The following PLEKHA6 variants were observed in gnomAD, a reference collection of about 807,000 sequenced individuals.
The protein encoded by PLEKHA6 is pleckstrin homology domain-containing family A member 6.
In PLEKHA6, 60 loss-of-function variants were observed where a neutral mutation model predicts 116.7. That is an observed-to-expected ratio of 0.51 (90% CI 0.42 to 0.64). The LOEUF (loss-of-function observed/expected upper bound fraction) is 0.64, where lower values mean the gene tolerates loss of function less well. Ranked by LOEUF, PLEKHA6 falls within the 30% of genes least tolerant of loss-of-function variation. The pLI, the probability that PLEKHA6 is intolerant of heterozygous loss-of-function variation, is 0.00. For missense variants in PLEKHA6, 1,338 were observed against 1,422.7 expected (o/e 0.94, Z 0.96); for synonymous variants, 489 against 556.1 (o/e 0.88, Z 1.70).
chr1:204,339,170 C>T (rs139832804), intron 1 of PLEKHA6, among the ~76,000 whole-genome samples: 3 of 152,342 alleles, frequency 2.0e-5, no homozygotes, highest in Non-Finnish European at 4.4e-5. Flanking sequence ...TGACAGGCCC[C>T]GCTGAGCTCC....
At chr1:204,315,426 C>A (rs1002125703) in intron 1 of PLEKHA6, among the ~76,000 whole-genome samples, 5 of 152,176 alleles carry the variant, frequency 3.3e-5, no homozygotes, top group African/African-American at 1.2e-4. Flanking sequence ...AACATTTCCC[C>A]GAAAGGCCTT....
At chr1:204,283,042 T>C (rs948322267) in intron 1 of PLEKHA6, among the ~76,000 whole-genome samples, 10 of 152,148 alleles carry the variant, frequency 6.6e-5, no homozygotes, top group Non-Finnish European at 1.3e-4. Context: ...CAGCTCTGAG[T>C]TGAATCTCAA....
chr1:204,250,463 AGATG>A (rs1266275097), intron 10 of PLEKHA6, 79 bp downstream of exon 10: 1 of 908,732 alleles, frequency 1.1e-6, no homozygotes, highest in Admixed American at 1.9e-5. Flanking sequence ...AGAGGAAGAG[AGATG>A]GATGGAGAGA....
Position 204,266,553 on chromosome 1 carries a change from C to T in PLEKHA6, c.280+922G>A, listed in dbSNP as rs1314735885. Among the ~76,000 whole-genome samples the T allele has an allele frequency of 5.3e-5, 8 of 152,200 alleles. No individual in the cohort carries two copies. The East Asian group carries it at 1.5e-3, about 29-fold the overall frequency. Reference sequence around the variant, plus strand: ...CTCTCCCTGAGTCTTGGGCTTTTCTCTGGGACTGGACTCTGTATGCTCAGC... The same window carrying T: ...CTCTCCCTGAGTCTTGGGCTTTTCTTTGGGACTGGACTCTGTATGCTCAGC... On this transcript the variant is annotated intron_variant, in intron 5 of 22. Coordinates refer to ENST00000272203, the MANE Select transcript of PLEKHA6 (RefSeq NM_014935.5).
intron 1 of PLEKHA6, among the ~76,000 whole-genome samples, chr1:204,316,470 G>C (rs1005952425): frequency 1.4e-4 from 21 of 152,206 alleles, no homozygotes; most frequent in Non-Finnish European, 4.4e-5. Flanking sequence ...CCAACCCCTT[G>C]TTCCCAGTGC....
At chr1:204,350,410 T>C (rs890892893) in intron 1 of PLEKHA6, among the ~76,000 whole-genome samples, 2 of 152,232 alleles carry the variant, frequency 1.3e-5, no homozygotes, top group African/African-American at 2.4e-5. Flanking sequence ...CAGAGTGAGC[T>C]GGTAAACTCC....
chr1:204,271,520 C>G (rs561305749), intron 3 of PLEKHA6, among the ~76,000 whole-genome samples: 1 of 152,320 alleles, frequency 6.6e-6, no homozygotes, highest in South Asian at 2.1e-4. Flanking sequence ...CACCACAACC[C>G]TATGCAAATC....
In PLEKHA6 at chr1:204,344,977, T is replaced by C. The variant is rs79360430; in HGVS notation, c.-95+14717A>G. 2.4e-4 allele frequency among the ~76,000 whole-genome samples: 37 copies of C among 152,284 alleles called. No homozygotes were observed. The East Asian group carries it at 6.8e-3, about 28-fold the overall frequency. ...TATGTCACCCCTGCCCCAAGCATAA[T>C]GCCTGGAGAAGGTGGGGAAAGCGAC... is the stretch of plus-strand genomic sequence containing the variant. On this transcript the variant is annotated intron_variant, in intron 1 of 22. Coordinates refer to ENST00000272203, the MANE Select transcript of PLEKHA6 (RefSeq NM_014935.5).
intron 1 of PLEKHA6, among the ~76,000 whole-genome samples, chr1:204,355,079 G>A (rs1356033216): frequency 3.3e-5 from 5 of 152,222 alleles, no homozygotes; most frequent in Admixed American, 3.3e-4. Context: ...GAAAGCTCAA[G>A]AAAGAACTTG....
chr1:204,230,817 T>A (rs1661081655), intron 17 of PLEKHA6, among the ~76,000 whole-genome samples: 1 of 152,140 alleles, frequency 6.6e-6, no homozygotes, highest in Admixed American at 6.5e-5. Flanking sequence ...TGGTGTGTCC[T>A]CATAAGAGAC....
chr1:204,280,465 G>A (rs186937841), intron 1 of PLEKHA6: 3 of 984,984 alleles, frequency 3.0e-6, no homozygotes, highest in East Asian at 1.1e-4. Flanking sequence ...ATTATCTGCT[G>A]TACACCAAGC....
At chr1:204,308,140 G>A (rs1217129311) in intron 1 of PLEKHA6, among the ~76,000 whole-genome samples, 1 of 152,190 alleles carries the variant, frequency 6.6e-6, no homozygotes, top group Non-Finnish European at 1.5e-5. Context: ...TGTAGCAATT[G>A]TAACAAATGC....
intron 1 of PLEKHA6, among the ~76,000 whole-genome samples, chr1:204,279,399 T>C (rs1668363563): frequency 6.6e-6 from 1 of 152,200 alleles, no homozygotes; most frequent in Non-Finnish European, 1.5e-5. Flanking sequence ...CTGCAGAGTA[T>C]GGCAAATTTT....
intron 1 of PLEKHA6, among the ~76,000 whole-genome samples, chr1:204,305,186 G>A (rs763061704): frequency 6.6e-6 from 1 of 152,154 alleles, no homozygotes; most frequent in Admixed American, 6.5e-5. Flanking sequence ...AGAGAGGACT[G>A]GTTCCATACC....
At chr1:204,366,715 C>T (rs1361927238) in intron 3 of PLEKHA6, among the ~76,000 whole-genome samples, 2 of 152,082 alleles carry the variant, frequency 1.3e-5, no homozygotes, top group African/African-American at 4.8e-5. Context: ...GAACTGAGAT[C>T]GCACCACTGC....
chr1:204,374,595 G>A (rs866433652), intron 1 of PLEKHA6, among the ~76,000 whole-genome samples: 4 of 151,978 alleles, frequency 2.6e-5, no homozygotes, highest in Non-Finnish European at 5.9e-5. Context: ...CTGGGTTATC[G>A]TCCCCCTCCT....
At chr1:204,268,355 C>T in intron 3 of PLEKHA6, 43 bp from the exon 4 acceptor site, 2 of 1,420,280 alleles carry the variant, frequency 1.4e-6, no homozygotes, top group East Asian at 4.8e-5. Context: ...CCAGTCTCCT[C>T]CTTCCTGCTT....
chr1:204,357,600 T>C (rs1283089264), intron 1 of PLEKHA6, among the ~76,000 whole-genome samples: 1 of 152,232 alleles, frequency 6.6e-6, no homozygotes, highest in Non-Finnish European at 1.5e-5. Context: ...GCAGCTCTTT[T>C]GTGAGGCACA....
chr1:204,272,464 A>ATTT (rs1185007427), intron 3 of PLEKHA6, among the ~76,000 whole-genome samples: 4 of 151,866 alleles, frequency 2.6e-5, no homozygotes, highest in African/African-American at 4.8e-5. Context: ...TCCATTCCCT[A>ATTT]CCCTTCCATT....
Sources: gnomAD v4.1 joint callset for allele counts (sites outside exome capture counted in the v4.1 genomes callset) on GRCh38, gnomAD v4.1.1 for gene constraint, MANE v1.5 for transcripts, NCBI Gene and HGNC (gene_info 2026-07-23, HGNC 2026-07-21) for gene names.